OTUD7A: variants seen among roughly 807,000 people sequenced by gnomAD.
The protein encoded by OTUD7A is OTU deubiquitinase 7A, also known as OTU domain-containing protein 7A.
OTUD7A carries 12 observed loss-of-function variants against 65.7 expected under a neutral mutation model. The ratio of observed to expected loss-of-function variants is 0.18; its 90% CI spans 0.12 to 0.30. OTUD7A has a LOEUF of 0.30. Ranked by LOEUF, OTUD7A falls within the 10% of genes least tolerant of loss-of-function variation. OTUD7A has a pLI of 1.00. For missense variants in OTUD7A, 1,148 were observed against 1,304.8 expected, an observed-to-expected ratio of 0.88 and a Z score of 1.85; for synonymous variants, 641 against 586.3, an observed-to-expected ratio of 1.09 and a Z score of -1.35.
At chr15:31,673,152 T>C (rs2141297801) in intron 1 of OTUD7A, among the ~76,000 whole-genome samples, 1 of 152,338 alleles carries the variant, frequency 6.6e-6, no homozygotes, top group Middle Eastern at 3.4e-3. Context: ...AAAGCTGAAA[T>C]AAGTCGAACC....
intron 3 of OTUD7A, among the ~76,000 whole-genome samples, chr15:31,613,552 C>T (rs944986645): frequency 6.6e-6 from 1 of 152,144 alleles, no homozygotes; most frequent in Admixed American, 6.5e-5. Flanking sequence ...AAAAAATGCT[C>T]TACATCATTA....
At chr15:31,744,190 A>T (rs1894415574) in intron 1 of OTUD7A, among the ~76,000 whole-genome samples, 1 of 152,216 alleles carries the variant, frequency 6.6e-6, no homozygotes, top group Admixed American at 6.5e-5. Context: ...TCAAATATTT[A>T]AGGAAGAAAT....
At chr15:31,674,451 G>A (rs974813109) in intron 1 of OTUD7A, among the ~76,000 whole-genome samples, 7 of 152,144 alleles carry the variant, frequency 4.6e-5, no homozygotes, top group Non-Finnish European at 1.0e-4. Flanking sequence ...AGAAGGCAAC[G>A]GGCAGGTGCT....
intron 1 of OTUD7A, among the ~76,000 whole-genome samples, chr15:31,716,632 G>A (rs1165619292): frequency 7.0e-6 from 1 of 142,664 alleles, no homozygotes; most frequent in Non-Finnish European, 1.6e-5. Context: ...GCACGCTGGA[G>A]GCAAACTGAT....
chr15:31,718,660 T>C (rs577137884), intron 1 of OTUD7A, among the ~76,000 whole-genome samples: 26 of 140,870 alleles, frequency 1.8e-4, no homozygotes, highest in African/African-American at 5.4e-4. Flanking sequence ...CACCCACTTA[T>C]TGGCTGGATA....
At chr15:31,717,149 T>C (rs1280556410) in intron 1 of OTUD7A, among the ~76,000 whole-genome samples, 1 of 152,236 alleles carries the variant, frequency 6.6e-6, no homozygotes, top group Non-Finnish European at 1.5e-5. Context: ...GGTTGTTTTC[T>C]GTCCAGGATC....
intron 1 of OTUD7A, among the ~76,000 whole-genome samples, chr15:31,728,675 T>C (rs1893960543): frequency 6.6e-6 from 1 of 152,248 alleles, no homozygotes; most frequent in South Asian, 2.1e-4. Context: ...TCAGGTGCTA[T>C]GTCACCTGCT....
At chr15:31,808,930 G>A (rs187258478) in intron 1 of OTUD7A, among the ~76,000 whole-genome samples, 3 of 152,324 alleles carry the variant, frequency 2.0e-5, no homozygotes, top group South Asian at 2.1e-4. Flanking sequence ...TTGTCTAATC[G>A]TGTGTGGCTC....
In OTUD7A at chr15:31,664,703, T is replaced by C. The variant is rs148994937; in HGVS notation, c.-99-7626A>G. Among the ~76,000 whole-genome samples the C allele has an allele frequency of 3.9e-3, 600 of 152,310 alleles. 2 individuals are homozygous for C. Among genetic ancestry groups the C allele is most frequent in the Non-Finnish European group, 5.4e-3 (365 of 68,022 alleles). ...TATCTTTGTTTTTATTGCATTTGCT[T>C]TTGGGTTCTTGCTCGTGAAATCCTT... is the stretch of plus-strand genomic sequence containing the variant. On this transcript the variant is annotated intron_variant, in intron 1 of 12. Transcript: ENST00000307050.
chr15:31,550,393 C>T (rs749054309), intron 5 of OTUD7A, among the ~76,000 whole-genome samples: 1 of 152,196 alleles, frequency 6.6e-6, no homozygotes, highest in Admixed American at 6.5e-5. Flanking sequence ...GTCTGTAAGA[C>T]ACCTGCTTTG....
At position 31,481,747 on chromosome 15, in the gene OTUD7A, C is replaced by CT. The variant is rs544807638; in HGVS notation, c.*1546_*1547insA. 228 of 151,210 alleles carry CT rather than the reference C, an allele frequency of 1.5e-3. 3 individuals are homozygous for CT. In the South Asian group the frequency reaches 0.032, roughly 21 times the overall value. The allele number at this position is 151,210 out of a possible 1,614,324, so 9.4% of individuals were successfully genotyped here. On this transcript the variant is annotated 3_prime_UTR_variant, in exon 13 of 13. Transcript: ENST00000307050. ...AAGTAAAAAAAATCCCCTCGCCCCC[C>CT]CTTTTTTTTTGTTTTTGCTGCTCTT...
At chr15:31,833,943 C>A (rs1454947391) in intron 1 of OTUD7A, among the ~76,000 whole-genome samples, 1 of 152,228 alleles carries the variant, frequency 6.6e-6, no homozygotes, top group East Asian at 1.9e-4. Context: ...CTACTCATCT[C>A]TGTGCAGAGC....
At chr15:31,585,360 A>C (rs1377305036) in intron 3 of OTUD7A, among the ~76,000 whole-genome samples, 1 of 152,224 alleles carries the variant, frequency 6.6e-6, no homozygotes, top group Non-Finnish European at 1.5e-5. Flanking sequence ...GAAGTCTTCG[A>C]ATACTGAGGT....
intron 1 of OTUD7A, among the ~76,000 whole-genome samples, chr15:31,695,945 C>A (rs1352219669): frequency 6.6e-6 from 1 of 152,024 alleles, no homozygotes; most frequent in Non-Finnish European, 1.5e-5. Flanking sequence ...TAAATTCTCT[C>A]ACACACACCT....
intron 1 of OTUD7A, among the ~76,000 whole-genome samples, chr15:31,746,731 G>A (rs555173638): frequency 6.6e-6 from 1 of 152,252 alleles, no homozygotes; most frequent in South Asian, 2.1e-4. Context: ...CCTGACCTCA[G>A]GTGATTCACC....
chr15:31,514,434 G>C (rs1444327064), intron 8 of OTUD7A, among the ~76,000 whole-genome samples: 1 of 151,960 alleles, frequency 6.6e-6, no homozygotes, highest in Admixed American at 6.6e-5. Flanking sequence ...ACATATTTTT[G>C]CATGTTTATT....
chr15:31,799,320 A>G (rs1896057759), intron 1 of OTUD7A, among the ~76,000 whole-genome samples: 1 of 152,190 alleles, frequency 6.6e-6, no homozygotes, highest in South Asian at 2.1e-4. Flanking sequence ...CAGAGAGGGA[A>G]GCAAGTCTCT....
chr15:31,857,680 G>A (rs1486190839), intron 1 of OTUD7A, among the ~76,000 whole-genome samples: 1 of 152,196 alleles, frequency 6.6e-6, no homozygotes, highest in Non-Finnish European at 1.5e-5. Context: ...TGTGACTCCA[G>A]ACTGCCCCCC....
rs866570472 is a variant in OTUD7A, at chr15:31,620,931, G to A, written c.151+34165C>T. Among the ~76,000 whole-genome samples, 61 of 124,906 alleles carry A rather than the reference G, an allele frequency of 4.9e-4. 3 individuals carry two copies. The highest frequency in any genetic ancestry group is 2.2e-3 in the African/African-American group (57 of 25,470). 81.9% of individuals were successfully genotyped at this position (124,906 alleles called of 152,430 possible). ...TGCTATAAATTTCCCTCCACACACC[G>A]CTTTGAATGTGTCCCAGAGATTCTG... On this transcript the variant is annotated intron_variant, in intron 3 of 12. Coordinates refer to ENST00000307050, the MANE Select transcript of OTUD7A (RefSeq NM_001382637.1).
Sources: allele counts gnomAD v4.1 joint callset (sites outside exome capture counted in the v4.1 genomes callset), GRCh38; gene constraint gnomAD v4.1.1; transcripts MANE v1.5; gene names NCBI Gene and HGNC (gene_info 2026-07-23, HGNC 2026-07-21).